Variants in SYNE1 observed in about 807,000 individuals in gnomAD.
SYNE1 encodes the protein nesprin-1.
SYNE1 carries 616 observed loss-of-function variants against 1,111.0 expected under a neutral mutation model. The observed-to-expected ratio is 0.55, with a 90% confidence interval of 0.52 to 0.59. The LOEUF (loss-of-function observed/expected upper bound fraction) is 0.59, where lower values mean the gene tolerates loss of function less well. Ranked by LOEUF, SYNE1 falls within the 20% of genes least tolerant of loss-of-function variation. The probability of loss-of-function intolerance (pLI) is 0.00; values close to 1 mark genes in which losing one functional copy is unlikely to be tolerated. For missense variants in SYNE1, 10,006 were observed against 10,417.0 expected (o/e 0.96, Z 1.72); for synonymous variants, 3,855 against 3,825.8 (o/e 1.01, Z -0.28).
chr6:152,387,600 A>T (rs1256501367), intron 53 of SYNE1, among the ~76,000 whole-genome samples: 1 of 152,306 alleles, frequency 6.6e-6, no homozygotes, highest in South Asian at 2.1e-4. Context: ...AAAACATGAA[A>T]TAAGAAGTTG....
rs1436765500 is a variant in SYNE1, at chr6:152,450,797, C to T, written c.3223G>A (p.Glu1075Lys). The part of the protein sequence containing the change: ...FSDKGPHHLC[E>K]KRLQLIEELC... ...TCCTCGATGAGCTGTAACCTTTTCTCACAGAGATGATGAGGACCTTTGTCA... is the reference window on the plus strand; with the variant it reads ...TCCTCGATGAGCTGTAACCTTTTCTTACAGAGATGATGAGGACCTTTGTCA... The change falls in exon 27 of 146, where the codon GAG (glutamate) becomes AAG (lysine). Residue 1075 changes from glutamate (E) to lysine (K), a missense_variant. Physicochemically the swap from Glu to Lys is moderately conservative, Grantham distance 56. Transcript: ENST00000367255. 3 of 1,613,992 alleles carry T rather than the reference C, an allele frequency of 1.9e-6. No homozygotes were observed. The highest frequency in any genetic ancestry group is 1.3e-5 in the African/African-American group (1 of 74,910).
At chr6:152,444,639 AT>A (rs2098559825) in intron 29 of SYNE1, 61 bp from the exon 30 acceptor site, 3 of 1,503,676 alleles carry the variant, frequency 2.0e-6, no homozygotes, top group African/African-American at 1.4e-5. Context: ...AGTTTGTATA[AT>A]TTTTTTGGTA....
At chr6:152,622,919 C>T (rs1229714613) in intron 3 of SYNE1, among the ~76,000 whole-genome samples, 1 of 152,116 alleles carries the variant, frequency 6.6e-6, no homozygotes, top group Non-Finnish European at 1.5e-5. Flanking sequence ...CACAAGCTCG[C>T]CAATATCAGT....
intron 130 of SYNE1, among the ~76,000 whole-genome samples, chr6:152,174,699 C>CTG (rs2153114503): frequency 6.6e-6 from 1 of 152,318 alleles, no homozygotes; most frequent in Non-Finnish European, 1.5e-5. Context: ...TGAGCACAGG[C>CTG]TGTGCCACAC....
At chr6:152,443,505 G>C (rs1330066015) in intron 30 of SYNE1, among the ~76,000 whole-genome samples, 3 of 152,088 alleles carry the variant, frequency 2.0e-5, no homozygotes, top group Non-Finnish European at 2.9e-5. Context: ...ACCTCGTGAT[G>C]CGCCCGCCTC....
intron 4 of SYNE1, among the ~76,000 whole-genome samples, chr6:152,526,998 A>T (rs1044659851): frequency 3.3e-5 from 5 of 152,208 alleles, no homozygotes; most frequent in African/African-American, 1.2e-4. Flanking sequence ...CCATTATGCC[A>T]ATGTTGATGG....
At chr6:152,632,726 A>G (rs758733056) in intron 2 of SYNE1, among the ~76,000 whole-genome samples, 10 of 152,352 alleles carry the variant, frequency 6.6e-5, no homozygotes, top group Non-Finnish European at 1.0e-4. Flanking sequence ...CCCTTCTTTC[A>G]TCATCTGTAA....
chr6:152,308,361 C>T, intron 91 of SYNE1, 128 bp downstream of exon 91: 1 of 1,312,154 alleles, frequency 7.6e-7, no homozygotes, highest in Non-Finnish European at 1.1e-6. Flanking sequence ...GCCAAAGAGG[C>T]CTCTCAAGAG....
At chr6:152,308,146 T>C (rs968445275) in intron 91 of SYNE1, among the ~76,000 whole-genome samples, 4 of 152,090 alleles carry the variant, frequency 2.6e-5, no homozygotes, top group Non-Finnish European at 5.9e-5. Flanking sequence ...GCAGCAAAGC[T>C]TTAAGCGTTG....
At chr6:152,172,783 G>A (rs113897290) in intron 130 of SYNE1, among the ~76,000 whole-genome samples, 4,024 of 152,180 alleles carry the variant, frequency 0.026, 173 homozygotes, top group African/African-American at 0.085. Context: ...AGGGCTCAGA[G>A]GTACTTTAAT....
rs535972017 is a variant in SYNE1 at position 152,250,296 on chromosome 6, A to G, written c.19471-1034T>C. The stretch of plus-strand genomic sequence containing the variant: ...AAAAAAATGTATTTTTTTCTCTAAA[A>G]TATCAACAAATAAGTTCTATTTCAT... On this transcript the variant is annotated intron_variant, in intron 104 of 145. Transcript: ENST00000367255. Among the ~76,000 whole-genome samples the G allele has an allele frequency of 2.5e-4, 38 of 152,178 alleles. No individual in the cohort carries two copies. In the South Asian group the frequency reaches 7.5e-3, roughly 30 times the overall value.
rs191912037 is a variant in SYNE1 at position 152,232,157 on chromosome 6, T to G, written c.20821A>C (p.Ile6941Leu). 1 of 1,606,534 alleles carries G rather than the reference T, an allele frequency of 6.2e-7. No homozygotes were observed. The highest frequency in any genetic ancestry group is 1.3e-5 in the African/African-American group (1 of 74,756). Residue 6941 changes from isoleucine to leucine, a missense_variant, in exon 113 of 146, where the codon ATA (isoleucine) becomes CTA (leucine). Ile to Leu is a conservative substitution (Grantham distance 5). This residue lies in a region of SYNE1 where 2,182 missense variants were observed against 2,287.8 expected (regional missense o/e 0.95). Coordinates refer to ENST00000367255, the MANE Select transcript of SYNE1 (RefSeq NM_182961.4). ...TATTCATGAATTGCCTTGTAACCTA[T>G]GGAATTTTTAATATTATCTTCATCC... ...QKDEDNIKNS[I>L]GYKAIHEYLQ... is the part of the protein sequence containing the mutation.
At chr6:152,364,457 T>A (rs1472302852) in intron 63 of SYNE1, among the ~76,000 whole-genome samples, 1 of 151,852 alleles carries the variant, frequency 6.6e-6, no homozygotes, top group Non-Finnish European at 1.5e-5. Context: ...ATGAATCTTT[T>A]TTTTTTTGTA....
chr6:152,312,042 C>CA (rs2095568823), intron 87 of SYNE1, among the ~76,000 whole-genome samples: 1 of 152,126 alleles, frequency 6.6e-6, no homozygotes, highest in South Asian at 2.1e-4. Context: ...CCTTGGCCTC[C>CA]CAAAATGCTG....
chr6:152,293,144 A>G (rs940214592), intron 95 of SYNE1, among the ~76,000 whole-genome samples: 3 of 152,196 alleles, frequency 2.0e-5, no homozygotes, highest in Non-Finnish European at 4.4e-5. Flanking sequence ...GAAGTCTGAG[A>G]TGTATTTTCT....
At chr6:152,274,445 T>C (rs529241241) in intron 98 of SYNE1, among the ~76,000 whole-genome samples, 1 of 152,256 alleles carries the variant, frequency 6.6e-6, no homozygotes, top group Non-Finnish European at 1.5e-5. Flanking sequence ...TTCTTCCCTG[T>C]TTGTCTATGT....
Position 152,268,450 on chromosome 6 carries a change from G to T in SYNE1, c.18706-285C>A, listed in dbSNP as rs183787010. Among the ~76,000 whole-genome samples the T allele has an allele frequency of 1.6e-4, 24 of 149,662 alleles. No homozygotes were observed. The East Asian group carries it at 4.5e-3, about 28-fold the overall frequency. On this transcript the variant is annotated intron_variant, in intron 99 of 145. Coordinates refer to ENST00000367255, the MANE Select transcript of SYNE1 (RefSeq NM_182961.4). ...TTTTGCCGGGCAATAGTGCCCTCAA[G>T]TGGTACAAAATGTACTCTCATTTTT...
At chr6:152,614,589 TCTAGAA>T (rs1565202782) in intron 3 of SYNE1, among the ~76,000 whole-genome samples, 1 of 152,180 alleles carries the variant, frequency 6.6e-6, no homozygotes, top group South Asian at 2.1e-4. Context: ...TCCTCAAGGA[TCTAGAA>T]CTAGAAATAC....
At chr6:152,377,239 C>A (rs541542746) in intron 56 of SYNE1, among the ~76,000 whole-genome samples, 1 of 152,108 alleles carries the variant, frequency 6.6e-6, no homozygotes, top group East Asian at 1.9e-4. Context: ...TGGACTAGGC[C>A]ATCAGGAGAT....
Sources: allele counts gnomAD v4.1 joint callset (sites outside exome capture counted in the v4.1 genomes callset), GRCh38; gene constraint gnomAD v4.1.1; regional missense constraint gnomAD v4.1.1; transcripts MANE v1.5; gene names NCBI Gene and HGNC (gene_info 2026-07-23, HGNC 2026-07-21).